RNF38: variants seen among roughly 807,000 people sequenced by gnomAD.
RNF38 encodes ring finger protein 38.
Under a neutral mutation model 67.2 loss-of-function variants are expected in RNF38, and 15 were observed. The observed-to-expected ratio is 0.22, with a 90% CI of 0.15 to 0.34. The LOEUF is 0.34. RNF38 is among the 10% of genes least tolerant of loss of function. The pLI, the probability that RNF38 is intolerant of heterozygous loss-of-function variation, is 1.00. For missense variants in RNF38, 524 were observed against 639.9 expected, an observed-to-expected ratio of 0.82 and a Z score of 1.95; for synonymous variants, 220 against 218.8, an observed-to-expected ratio of 1.01 and a Z score of -0.05.
chr9:36,346,505 T>C (rs1287909669), intron 9 of RNF38, among the ~76,000 whole-genome samples: 6 of 152,166 alleles, frequency 3.9e-5, no homozygotes, highest in Non-Finnish European at 7.4e-5. Context: ...ATTATGCTTA[T>C]TGATTTTACA....
intron 1 of RNF38, among the ~76,000 whole-genome samples, chr9:36,483,750 A>G (rs1431035406): frequency 1.3e-5 from 2 of 152,164 alleles, no homozygotes; most frequent in Admixed American, 6.6e-5. Context: ...ACATAATGAC[A>G]TGTTTACCTT....
intron 2 of RNF38, among the ~76,000 whole-genome samples, chr9:36,413,234 T>TAAA (rs1358283240): frequency 7.2e-6 from 1 of 139,704 alleles, no homozygotes; most frequent in Non-Finnish European, 1.6e-5. Flanking sequence ...CATCTCAATT[T>TAAA]AAAAAAAAAA....
chr9:36,434,323 TG>T (rs1306943151), intron 1 of RNF38, among the ~76,000 whole-genome samples: 2 of 21,810 alleles, frequency 9.2e-5, no homozygotes, highest in Non-Finnish European at 1.7e-4. Flanking sequence ...GGGAGGGGGA[TG>T]GGGGAAGGAG....
chr9:36,486,484 T>C (rs1564082295), intron 1 of RNF38, among the ~76,000 whole-genome samples: 1 of 152,186 alleles, frequency 6.6e-6, no homozygotes, highest in South Asian at 2.1e-4. Flanking sequence ...AGGCCATGTA[T>C]GCATTTCTGG....
intron 1 of RNF38, among the ~76,000 whole-genome samples, chr9:36,476,818 C>G (rs575168727): frequency 8.0e-4 from 122 of 152,070 alleles, no homozygotes; most frequent in African/African-American, 2.7e-3. Flanking sequence ...GTTTCCTAAT[C>G]CAGGACAAAA....
Position 36,465,638 on chromosome 9 carries a change from C to G in RNF38, n.241+21670G>C, listed in dbSNP as rs1455166065. ...GAGATTACAGGCATCAGCCACTATA[C>G]CCGGCCCATAGCAGCATTATTCATA... On this transcript the variant is annotated intron_variant and non_coding_transcript_variant, in intron 1 of 3. Transcript: ENST00000488058. 3.9e-5 allele frequency among the ~76,000 whole-genome samples: 6 copies of G among 152,010 alleles called. No individual in the cohort carries two copies. In the East Asian group the frequency reaches 1.2e-3, roughly 29 times the overall value.
At chr9:36,408,962 G>A (rs559492206) in intron 2 of RNF38, among the ~76,000 whole-genome samples, 6 of 152,114 alleles carry the variant, frequency 3.9e-5, no homozygotes, top group Admixed American at 1.3e-4. Context: ...AGAAGGGAGC[G>A]GATCACTTGA....
At position 36,373,788 on chromosome 9, in the gene RNF38, T is replaced by C. The variant is rs375371520; in HGVS notation, c.356+2146A>G. 5.3e-5 allele frequency among the ~76,000 whole-genome samples: 8 copies of C among 151,976 alleles called. No individual in the cohort carries two copies. The East Asian group carries it at 1.4e-3, about 26-fold the overall frequency. ...ACCGCACCCGGCCTTGCTAGCCTTT[T>C]TTTGTTTTTTGTTTTAAGATGGAGT... On this transcript the variant is annotated intron_variant, in intron 3 of 11. Transcript: ENST00000259605.
intron 1 of RNF38, among the ~76,000 whole-genome samples, chr9:36,472,234 T>C (rs1840015059): frequency 6.6e-6 from 1 of 152,218 alleles, no homozygotes; most frequent in African/African-American, 2.4e-5. Context: ...AGTGAGTGTG[T>C]AGAAACTCTT....
chr9:36,476,539 T>C (rs1840124780), intron 1 of RNF38, among the ~76,000 whole-genome samples: 1 of 148,200 alleles, frequency 6.7e-6, no homozygotes, highest in Non-Finnish European at 1.5e-5. Flanking sequence ...TTTTTTTTTT[T>C]TGAGATGGAG....
At chr9:36,415,431 G>GT (rs1018145054) in intron 2 of RNF38, among the ~76,000 whole-genome samples, 56 of 143,452 alleles carry the variant, frequency 3.9e-4, no homozygotes, top group Admixed American at 2.3e-3. Context: ...TGTTTTTTTT[G>GT]TTTTTTTGTT....
At chr9:36,401,314 C>G (rs1388903445), upstream of RNF38, 2 of 719,950 alleles carry the variant, frequency 2.8e-6, no homozygotes, top group African/African-American at 3.9e-5. Flanking sequence ...GCCCGCCCCC[C>G]GCTGCCCTGC....
chr9:36,407,254 A>G (rs1259804876), intron 2 of RNF38, among the ~76,000 whole-genome samples: 1 of 152,194 alleles, frequency 6.6e-6, no homozygotes, highest in Non-Finnish European at 1.5e-5. Flanking sequence ...CCCAAATCGA[A>G]GTCCACTGAA....
Position 36,369,911 on chromosome 9 carries a change from T to C in RNF38, c.378A>G (p.Arg126=). 1 of 1,612,942 alleles carries C rather than the reference T, an allele frequency of 6.2e-7. No individual in the cohort carries two copies. The highest frequency in any genetic ancestry group is 8.5e-7 in the Non-Finnish European group (1 of 1,179,990). ...GTCGAGACAGACGATCCCTTCTTCC[T>C]CTCTGGCGCCTGACAGGAGGACTGT... is the stretch of plus-strand genomic sequence containing the variant. The part of the protein sequence containing the change: ...NRRSPPVRRQ[R]GRRDRLSRHN... The change falls in exon 4 of 12, where the codon AGA becomes AGG. Residue 126 remains arginine (R), a synonymous_variant. Coordinates refer to ENST00000259605, the MANE Select transcript of RNF38 (RefSeq NM_022781.5).
chr9:36,417,677 A>G (rs988658486), intron 2 of RNF38, among the ~76,000 whole-genome samples: 4 of 152,010 alleles, frequency 2.6e-5, no homozygotes, highest in South Asian at 2.1e-4. Flanking sequence ...CGCTCAGCTA[A>G]TTTTTGTATT....
chr9:36,466,404 A>G (rs776241784), intron 1 of RNF38, among the ~76,000 whole-genome samples: 1 of 152,174 alleles, frequency 6.6e-6, no homozygotes, highest in Non-Finnish European at 1.5e-5. Flanking sequence ...GTATATGTAA[A>G]TTTATATTTC....
At chr9:36,487,419 G>A (rs1840444443) in exon 1 of RNF38, 1 of 981,388 alleles carries the variant, frequency 1.0e-6, no homozygotes, top group Non-Finnish European at 1.2e-6. Flanking sequence ...CGGGGCGGCG[G>A]CGGTGGGGGG....
chr9:36,416,150 C>T (rs1051438368), intron 2 of RNF38, among the ~76,000 whole-genome samples: 4 of 139,588 alleles, frequency 2.9e-5, no homozygotes, highest in African/African-American at 1.1e-4. Flanking sequence ...ATATCTGAGA[C>T]TCTCCTTGGG....
At chr9:36,367,009 C>T (rs1452633595) in intron 4 of RNF38, among the ~76,000 whole-genome samples, 2 of 152,156 alleles carry the variant, frequency 1.3e-5, no homozygotes, top group African/African-American at 2.4e-5. Context: ...TTTACTTCTG[C>T]TCAGTCTTAT....
Sources: gnomAD v4.1 joint callset for allele counts (sites outside exome capture counted in the v4.1 genomes callset) on GRCh38, gnomAD v4.1.1 for gene constraint, MANE v1.5 for transcripts, NCBI Gene and HGNC (gene_info 2026-07-23, HGNC 2026-07-21) for gene names.